Variants in TSHZ2 observed in about 807,000 individuals in gnomAD.
TSHZ2 encodes teashirt homolog 2.
TSHZ2 carries 21 observed loss-of-function variants against 74.4 expected under a neutral mutation model. The observed-to-expected ratio is 0.28, with a 90% CI of 0.20 to 0.41. TSHZ2 has a LOEUF of 0.41. TSHZ2 is among the 10% of genes least tolerant of loss of function. The probability of loss-of-function intolerance (pLI) is 1.00; values close to 1 mark genes in which losing one functional copy is unlikely to be tolerated. For missense variants in TSHZ2, 1,244 were observed against 1,293.5 expected, an observed-to-expected ratio of 0.96 and a Z score of 0.59; for synonymous variants, 540 against 515.3, an observed-to-expected ratio of 1.05 and a Z score of -0.65.
At chr20:53,303,079 CA>C (rs1292605616) in intron 2 of TSHZ2, among the ~76,000 whole-genome samples, 2 of 152,204 alleles carry the variant, frequency 1.3e-5, no homozygotes, top group African/African-American at 4.8e-5. Context: ...TGTAGCGCTG[CA>C]TTTTGATTAA....
chr20:53,025,895 C>A (rs1334121797), intron 1 of TSHZ2, among the ~76,000 whole-genome samples: 1 of 152,110 alleles, frequency 6.6e-6, no homozygotes, highest in Non-Finnish European at 1.5e-5. Context: ...TTCAGCCACC[C>A]CCACCCATAA....
At chr20:53,421,341 A>G (rs758009611) in intron 2 of TSHZ2, 15 of 166,706 alleles carry the variant, frequency 9.0e-5, no homozygotes, top group Non-Finnish European at 1.8e-4. Context: ...CTGCCTTTGC[A>G]GAATTATTCC....
intron 1 of TSHZ2, among the ~76,000 whole-genome samples, chr20:53,221,787 A>G (rs1446520394): frequency 1.3e-5 from 2 of 152,254 alleles, no homozygotes. Context: ...TAAGCTACTC[A>G]GCTGTTAAGT....
intron 2 of TSHZ2, among the ~76,000 whole-genome samples, chr20:53,441,428 G>T (rs1984322061): frequency 6.6e-6 from 1 of 151,568 alleles, no homozygotes; most frequent in Non-Finnish European, 1.5e-5. Flanking sequence ...ACCAAAACCG[G>T]CTAGGTTTTC....
chr20:53,005,659 C>T (rs749950449), intron 1 of TSHZ2, among the ~76,000 whole-genome samples: 11 of 152,132 alleles, frequency 7.2e-5, no homozygotes, highest in Non-Finnish European at 1.2e-4. Context: ...GAGAGGTACT[C>T]GGTGTTAAAA....
At chr20:53,291,799 C>G (rs1303428033) in intron 2 of TSHZ2, among the ~76,000 whole-genome samples, 1 of 150,906 alleles carries the variant, frequency 6.6e-6, no homozygotes, top group Non-Finnish European at 1.5e-5. Context: ...CCTGCCTCCT[C>G]ACAGCACACT....
At chr20:53,109,886 T>TCTCAG (rs542379160) in intron 1 of TSHZ2, among the ~76,000 whole-genome samples, 106 of 152,268 alleles carry the variant, frequency 7.0e-4, no homozygotes, top group Non-Finnish European at 1.2e-3. Context: ...TGTCCTGGGT[T>TCTCAG]CTCAGCTCAG....
At chr20:53,367,779 G>A (rs1436436758) in intron 2 of TSHZ2, among the ~76,000 whole-genome samples, 3 of 151,924 alleles carry the variant, frequency 2.0e-5, no homozygotes, top group South Asian at 2.1e-4. Flanking sequence ...CATCGTGTTA[G>A]CCAGGATGGT....
At chr20:53,129,500 T>C (rs1174766489) in intron 1 of TSHZ2, among the ~76,000 whole-genome samples, 1 of 152,214 alleles carries the variant, frequency 6.6e-6, no homozygotes, top group African/African-American at 2.4e-5. Context: ...TGTACCATAC[T>C]ATATCCATTT....
intron 1 of TSHZ2, among the ~76,000 whole-genome samples, chr20:53,114,803 C>A (rs1387521428): frequency 6.6e-6 from 1 of 151,938 alleles, no homozygotes; most frequent in Non-Finnish European, 1.5e-5. Flanking sequence ...TTATTTTATG[C>A]CTGGGGTGTG....
intron 1 of TSHZ2, among the ~76,000 whole-genome samples, chr20:53,207,210 G>A (rs1989189327): frequency 1.3e-5 from 2 of 152,148 alleles, no homozygotes; most frequent in African/African-American, 4.8e-5. Flanking sequence ...ACTGGCTGCT[G>A]CCCTAGTAAA....
At position 53,319,835 on chromosome 20, in the gene TSHZ2, T is replaced by C. The variant is rs979855006; in HGVS notation, c.*8+63264T>C. 2.0e-5 allele frequency among the ~76,000 whole-genome samples: 3 copies of C among 152,370 alleles called. No homozygotes were observed. The East Asian group carries it at 5.8e-4, about 29-fold the overall frequency. On this transcript the variant is annotated intron_variant, in intron 2 of 2. Transcript: ENST00000371497. ...AAGCACTCAACACATGTGGCCATTA[T>C]TCCTGTTAACAGGACAATTGCTTCT...
At chr20:53,199,047 C>A (rs541626132) in intron 1 of TSHZ2, among the ~76,000 whole-genome samples, 71 of 152,266 alleles carry the variant, frequency 4.7e-4, no homozygotes, top group African/African-American at 1.5e-3. Context: ...GTTAGGCAGG[C>A]CCCAGCACCC....
chr20:53,328,091 A>C (rs1225691033), intron 2 of TSHZ2, among the ~76,000 whole-genome samples: 1 of 152,158 alleles, frequency 6.6e-6, no homozygotes, highest in African/African-American at 2.4e-5. Context: ...CTGGTTATAC[A>C]TTGAGGGACG....
intron 1 of TSHZ2, among the ~76,000 whole-genome samples, chr20:53,214,598 A>C (rs756576235): frequency 6.6e-6 from 1 of 152,198 alleles, no homozygotes; most frequent in Non-Finnish European, 1.5e-5. Context: ...CTTTAATCTC[A>C]GCTACCTGGG....
chr20:53,223,074 A>G (rs985036753), intron 1 of TSHZ2, among the ~76,000 whole-genome samples: 1 of 152,176 alleles, frequency 6.6e-6, no homozygotes, highest in Non-Finnish European at 1.5e-5. Context: ...GTGGCTATGG[A>G]CAGCTTGGGT....
chr20:53,025,551 A>C (rs938626093), intron 1 of TSHZ2, among the ~76,000 whole-genome samples: 1 of 152,052 alleles, frequency 6.6e-6, no homozygotes. Context: ...TCAGCCCTCC[A>C]CCTTGATGAA....
chr20:53,436,944 C>A (rs1369355682), intron 2 of TSHZ2, among the ~76,000 whole-genome samples: 1 of 152,112 alleles, frequency 6.6e-6, no homozygotes, highest in African/African-American at 2.4e-5. Flanking sequence ...TCTTCTTGCT[C>A]CCATTGTCCT....
intron 1 of TSHZ2, among the ~76,000 whole-genome samples, chr20:53,172,277 A>G (rs1348807124): frequency 2.0e-5 from 3 of 152,230 alleles, no homozygotes; most frequent in South Asian, 2.1e-4. Flanking sequence ...CATGTGATCA[A>G]TTAATAAAAA....
Sources: allele counts gnomAD v4.1 joint callset (sites outside exome capture counted in the v4.1 genomes callset), GRCh38; gene constraint gnomAD v4.1.1; transcripts MANE v1.5; gene names NCBI Gene and HGNC (gene_info 2026-07-23, HGNC 2026-07-21).